MYOZ2: variants seen among roughly 807,000 people sequenced by gnomAD.
MYOZ2 encodes the protein myozenin 2, also known as myozenin-2.
In MYOZ2, 19 loss-of-function variants were observed where a neutral mutation model predicts 25.4. That is an observed-to-expected ratio of 0.75 (90% CI 0.52 to 1.10). The LOEUF is 1.10. Among genes scored for constraint, MYOZ2 ranks in the 50% least tolerant of loss-of-function variants. The probability of loss-of-function intolerance (pLI) is 0.00; values close to 1 mark genes in which losing one functional copy is unlikely to be tolerated. For synonymous variants in MYOZ2, 92 were observed against 106.9 expected (o/e 0.86, Z 0.86); for missense variants, 270 against 317.9 (o/e 0.85, Z 1.15).
At chr4:119,164,440 A>T (rs780960073) in intron 5 of MYOZ2, 46 bp downstream of exon 5, 17 of 1,597,388 alleles carry the variant, frequency 1.1e-5, no homozygotes, top group Non-Finnish European at 1.5e-5. Context: ...CAATACCAAA[A>T]TTTTTTCATC....
intron 4 of MYOZ2, among the ~76,000 whole-genome samples, chr4:119,162,609 T>C (rs368802684): frequency 2.6e-5 from 4 of 152,224 alleles, no homozygotes; most frequent in Admixed American, 6.5e-5. Flanking sequence ...TTGTTAAACA[T>C]TGGAGTTTTA....
intron 3 of MYOZ2, among the ~76,000 whole-genome samples, chr4:119,154,791 C>T (rs979854431): frequency 1.3e-5 from 2 of 151,454 alleles, no homozygotes; most frequent in African/African-American, 2.4e-5. Flanking sequence ...AAGATACTAA[C>T]CTAGTCAATT....
chr4:119,177,614 A>T (rs756017885), intron 5 of MYOZ2, among the ~76,000 whole-genome samples: 6 of 152,180 alleles, frequency 3.9e-5, no homozygotes, highest in East Asian at 1.9e-4. Context: ...AAATTGGAAG[A>T]CACCTACCTT....
At chr4:119,164,827 A>G (rs1020408024) in intron 5 of MYOZ2, among the ~76,000 whole-genome samples, 2 of 152,114 alleles carry the variant, frequency 1.3e-5, no homozygotes, top group Non-Finnish European at 2.9e-5. Context: ...TGCAGGCTTT[A>G]GGACAGATTA....
At chr4:119,152,066 C>T (rs1741465680) in intron 3 of MYOZ2, among the ~76,000 whole-genome samples, 1 of 152,034 alleles carries the variant, frequency 6.6e-6, no homozygotes, top group Non-Finnish European at 1.5e-5. Flanking sequence ...TTTTTGTTAA[C>T]AGAAAATGTT....
At chr4:119,139,437 C>T (rs1741111114) in intron 2 of MYOZ2, among the ~76,000 whole-genome samples, 1 of 152,202 alleles carries the variant, frequency 6.6e-6, no homozygotes, top group African/African-American at 2.4e-5. Flanking sequence ...AAGATGGCCT[C>T]TGATAGTCCC....
At chr4:119,154,878 CACACACACACACAA>C (rs1408028293) in intron 3 of MYOZ2, among the ~76,000 whole-genome samples, 9 of 151,748 alleles carry the variant, frequency 5.9e-5, no homozygotes, top group African/African-American at 1.5e-4. Context: ...CACGCACACA[CACACACACACACAA>C]TGCCTTTCTT....
intron 5 of MYOZ2, among the ~76,000 whole-genome samples, chr4:119,182,793 A>G (rs1020642771): frequency 2.0e-5 from 3 of 152,118 alleles, no homozygotes; most frequent in African/African-American, 7.2e-5. Context: ...CAGGCCATAG[A>G]TGGTTGGTCT....
At chr4:119,155,551 G>A (rs1436848203) in intron 3 of MYOZ2, among the ~76,000 whole-genome samples, 1 of 152,278 alleles carries the variant, frequency 6.6e-6, no homozygotes, top group Admixed American at 6.5e-5. Context: ...GAACAGAAAA[G>A]AGGGCATTCA....
At chr4:119,154,889 A>G (rs1337640556) in intron 3 of MYOZ2, among the ~76,000 whole-genome samples, 1 of 151,446 alleles carries the variant, frequency 6.6e-6, no homozygotes, top group African/African-American at 2.4e-5. Context: ...ACACACACAC[A>G]CAATGCCTTT....
intron 2 of MYOZ2, among the ~76,000 whole-genome samples, chr4:119,147,616 C>T (rs1398653402): frequency 6.6e-6 from 1 of 151,674 alleles, no homozygotes; most frequent in East Asian, 1.9e-4. Flanking sequence ...TGGTGGCAGG[C>T]ACTTGTAATC....
chr4:119,157,916 T>C (rs1428817227), intron 3 of MYOZ2, 106 bp from the exon 4 acceptor site: 1 of 1,385,474 alleles, frequency 7.2e-7, no homozygotes, highest in African/African-American at 1.4e-5. Flanking sequence ...TGAAGCGACA[T>C]TGCATTTAAA....
At chr4:119,147,174 G>A (rs927452441) in intron 2 of MYOZ2, among the ~76,000 whole-genome samples, 9 of 151,980 alleles carry the variant, frequency 5.9e-5, no homozygotes, top group African/African-American at 2.2e-4. Context: ...GACATCAATT[G>A]ATGTATTTAG....
At position 119,150,883 on chromosome 4, in the gene MYOZ2, A is replaced by G. The variant is rs1561110024; in HGVS notation, c.88A>G (p.Met30Val). The G allele has an allele frequency of 1.2e-6, 2 of 1,613,892 alleles. No individual in the cohort carries two copies. The highest frequency in any genetic ancestry group is 1.7e-5 in the Admixed American group (1 of 60,012). The change falls in exon 3 of 6, where the codon ATG becomes GTG. Residue 30 changes from methionine to valine, a missense_variant. Physicochemically the swap from Met to Val is conservative, Grantham distance 21. Transcript: ENST00000307128. ...ATATTGTTTTACAGATGTTGATGGC[A>G]TGGACCTGGGCAAAAAGGTCAGCAT... Reference protein sequence around the residue: ...KEVHGNDVDGMDLGKKVSIPR... With the variant: ...KEVHGNDVDGVDLGKKVSIPR...
chr4:119,157,639 A>G (rs558978283), intron 3 of MYOZ2, among the ~76,000 whole-genome samples: 1 of 152,362 alleles, frequency 6.6e-6, no homozygotes, highest in African/African-American at 2.4e-5. Flanking sequence ...CCAAATGCTT[A>G]GCCAGTATGC....
intron 3 of MYOZ2, among the ~76,000 whole-genome samples, chr4:119,153,093 C>T (rs1456311604): frequency 6.7e-6 from 1 of 150,100 alleles, no homozygotes; most frequent in Admixed American, 6.6e-5. Context: ...CTGAATTTTC[C>T]CCCTCATTTT....
At chr4:119,184,195 T>C (rs775370834) in intron 5 of MYOZ2, among the ~76,000 whole-genome samples, 2 of 152,198 alleles carry the variant, frequency 1.3e-5, no homozygotes, top group Non-Finnish European at 2.9e-5. Flanking sequence ...ATCTCCTGCT[T>C]ACCATCCTAC....
At chr4:119,142,686 CA>C (rs1303046392) in intron 2 of MYOZ2, among the ~76,000 whole-genome samples, 1 of 152,162 alleles carries the variant, frequency 6.6e-6, no homozygotes, top group Non-Finnish European at 1.5e-5. Flanking sequence ...GAGAGCCAGA[CA>C]AAGCTGTTCT....
At chr4:119,136,746 A>G (rs2149217791) in intron 2 of MYOZ2, 145 bp downstream of exon 2, 2 of 839,470 alleles carry the variant, frequency 2.4e-6, no homozygotes, top group East Asian at 5.3e-5. Context: ...GGGTGTAGAA[A>G]AGCCTATGGT....
Sources: allele counts gnomAD v4.1 joint callset (sites outside exome capture counted in the v4.1 genomes callset), GRCh38; gene constraint gnomAD v4.1.1; transcripts MANE v1.5; gene names NCBI Gene and HGNC (gene_info 2026-07-23, HGNC 2026-07-21).